Variants in PALLD observed in about 807,000 individuals in gnomAD.
PALLD encodes the protein palladin.
In PALLD, 61 loss-of-function variants were observed where a neutral mutation model predicts 123.5. The ratio of observed to expected loss-of-function variants is 0.49; its 90% CI spans 0.40 to 0.61. The LOEUF is 0.61. PALLD is among the 20% of genes least tolerant of loss of function. PALLD has a pLI of 0.00. For missense variants in PALLD, 1,273 were observed against 1,377.0 expected (o/e 0.92, Z 1.20); for synonymous variants, 465 against 496.4 (o/e 0.94, Z 0.84).
intron 2 of PALLD, among the ~76,000 whole-genome samples, chr4:168,614,928 T>C (rs1774077217): frequency 6.6e-6 from 1 of 152,186 alleles, no homozygotes; most frequent in Non-Finnish European, 1.5e-5. Flanking sequence ...AGCAGCAAGA[T>C]TGCCAATAGG....
At chr4:168,633,504 G>T (rs1000455697) in intron 2 of PALLD, among the ~76,000 whole-genome samples, 2 of 152,106 alleles carry the variant, frequency 1.3e-5, no homozygotes, top group Admixed American at 6.5e-5. Flanking sequence ...ATTTTTCATT[G>T]TTCCTTTAGG....
At chr4:168,775,010 AT>A (rs553867373) in intron 10 of PALLD, among the ~76,000 whole-genome samples, 7 of 152,150 alleles carry the variant, frequency 4.6e-5, no homozygotes, top group African/African-American at 1.7e-4. Context: ...GCTAAAGAGT[AT>A]TTTTTGTACA....
Position 168,844,611 on chromosome 4 carries a change from GA to G in PALLD, c.1965-46310del, listed in dbSNP as rs1401293668. ...TCTGTGGTATTCTAATTTTATCTGA[GA>G]TTTATTAGAATATATGAGGTGGAAA... On this transcript the variant is annotated intron_variant, in intron 10 of 21. Coordinates refer to ENST00000505667, the MANE Select transcript of PALLD (RefSeq NM_001166108.2). The surrounding 1 kb of genome is among the most constrained non-coding windows in gnomAD (Gnocchi z 4.5). 1.3e-5 allele frequency: 2 copies of G among 152,148 alleles called. No individual in the cohort carries two copies. Among genetic ancestry groups the G allele is most frequent in the African/African-American group, 2.4e-5 (1 of 41,416 alleles). 9.4% of individuals were successfully genotyped at this position (152,148 alleles called of 1,614,324 possible).
At chr4:168,623,351 A>C (rs66497821) in intron 2 of PALLD, among the ~76,000 whole-genome samples, 44,794 of 152,142 alleles carry the variant, frequency 0.29, 7,615 homozygotes, top group South Asian at 0.49. Flanking sequence ...GATTCCTGAA[A>C]TAATACTTTA....
chr4:168,902,069 A>C (rs552631774), intron 14 of PALLD, among the ~76,000 whole-genome samples: 4 of 152,288 alleles, frequency 2.6e-5, no homozygotes, highest in African/African-American at 9.6e-5. Context: ...TAATTCATCC[A>C]TTTATTTAGT....
intron 2 of PALLD, among the ~76,000 whole-genome samples, chr4:168,628,392 C>T (rs1336849912): frequency 6.6e-6 from 1 of 152,212 alleles, no homozygotes; most frequent in Non-Finnish European, 1.5e-5. Flanking sequence ...AATACTTACA[C>T]TGGTTTAGCG....
chr4:168,925,391 A>G (rs992688961), intron 21 of PALLD, 113 bp downstream of exon 21: 1 of 813,640 alleles, frequency 1.2e-6, no homozygotes, highest in Non-Finnish European at 2.2e-6. Context: ...AACAGTAGGC[A>G]AAGGCATAAC....
chr4:168,689,432 CTTTTTTTTTTTTTTT>C lies in PALLD; in HGVS notation c.1336-1152_1336-1138del, dbSNP rs70961551. Among the ~76,000 whole-genome samples, 78 of 49,858 alleles carry C rather than the reference CTTTTTTTTTTTTTTT, an allele frequency of 1.6e-3. 1 individual carries two copies. Among genetic ancestry groups the C allele is most frequent in the Admixed American group, 5.9e-3 (17 of 2,868 alleles). The allele number at this position is 49,858 out of a possible 152,430, so 32.7% of individuals were successfully genotyped here. A position where few individuals can be genotyped will look rare whatever the true frequency, so the allele number is the denominator to read the frequency against. On this transcript the variant is annotated intron_variant, in intron 6 of 21. Coordinates refer to ENST00000505667, the MANE Select transcript of PALLD (RefSeq NM_001166108.2). ...TACACCTTACATTCGATCCAATATT[CTTTTTTTTTTTTTTT>C]TTTTTTTTTTTTTTTTTTGAGATGG... is the stretch of plus-strand genomic sequence containing the variant.
rs377515400 is a variant in PALLD, at chr4:168,618,138, A to G, written c.909-50052A>G. Among the ~76,000 whole-genome samples the G allele has an allele frequency of 1.2e-4, 19 of 152,326 alleles. 1 individual carries two copies. The highest frequency in any genetic ancestry group is 4.6e-4 in the African/African-American group (19 of 41,570). ...GCTTCCAGTCCTACCACCTCTGATTAGTTTATTGGCTGGATGATCTCAACC... is the reference window on the plus strand; with the variant it reads ...GCTTCCAGTCCTACCACCTCTGATTGGTTTATTGGCTGGATGATCTCAACC... On this transcript the variant is annotated intron_variant, in intron 2 of 21. Transcript: ENST00000505667.
chr4:168,805,774 A>G (rs1489572183), intron 10 of PALLD, among the ~76,000 whole-genome samples: 1 of 152,220 alleles, frequency 6.6e-6, no homozygotes, highest in Admixed American at 6.5e-5. Flanking sequence ...ATTAGAGGTC[A>G]TAGATTTCCC....
chr4:168,529,267 G>A (rs548837804), intron 2 of PALLD, among the ~76,000 whole-genome samples: 3 of 152,146 alleles, frequency 2.0e-5, no homozygotes, highest in South Asian at 4.2e-4. Flanking sequence ...AAACCAGGAG[G>A]TGGAGGTTGC....
chr4:168,916,177 C>A (rs1267293365), intron 17 of PALLD, 150 bp downstream of exon 17: 14 of 793,686 alleles, frequency 1.8e-5, no homozygotes, highest in Non-Finnish European at 2.8e-5. Context: ...CTTTAGAGTC[C>A]AAAGCCGGGC....
At chr4:168,809,478 G>A (rs1227541006) in intron 10 of PALLD, among the ~76,000 whole-genome samples, 1 of 152,094 alleles carries the variant, frequency 6.6e-6, no homozygotes, top group East Asian at 1.9e-4. Flanking sequence ...GAAACATAAG[G>A]CCATAAGAAA....
intron 10 of PALLD, among the ~76,000 whole-genome samples, chr4:168,736,899 G>A (rs1787813220): frequency 6.6e-6 from 1 of 152,124 alleles, no homozygotes; most frequent in African/African-American, 2.4e-5. Flanking sequence ...GAGGGGGAGG[G>A]GAGTGGTTAT....
Position 168,510,136 on chromosome 4 carries a change from G to A in PALLD, c.-82-1287G>A, listed in dbSNP as rs1306843761. ...ACTCAGTCTTGTGGCAGACATCACCGCTGATGTTTTCTAGATCGTCCCTCT... is the reference window on the plus strand; with the variant it reads ...ACTCAGTCTTGTGGCAGACATCACCACTGATGTTTTCTAGATCGTCCCTCT... On this transcript the variant is annotated intron_variant, in intron 1 of 21. Coordinates refer to ENST00000505667, the MANE Select transcript of PALLD (RefSeq NM_001166108.2). Among the ~76,000 whole-genome samples the A allele has an allele frequency of 3.3e-5, 5 of 152,236 alleles. 1 individual carries two copies. The highest frequency in any genetic ancestry group is 1.2e-4 in the African/African-American group (5 of 41,550).
chr4:168,915,970 G>A lies in PALLD; in HGVS notation c.2793G>A (p.Leu931=). ...IQERFFRPHF[L]QAPGDLTVQE... ...AGCGATTCTTCAGACCTCACTTCTTGCAGGCTCCTGGAGATCTGACTGTTC... is the reference window on the plus strand; with the variant it reads ...AGCGATTCTTCAGACCTCACTTCTTACAGGCTCCTGGAGATCTGACTGTTC... Residue 931 remains leucine (L), a synonymous_variant, in exon 17 of 22, where the codon TTG becomes TTA. Coordinates refer to ENST00000505667, the MANE Select transcript of PALLD (RefSeq NM_001166108.2). 6.2e-7 allele frequency: 1 copy of A among 1,613,592 alleles called. No homozygotes were observed. The highest frequency in any genetic ancestry group is 1.1e-5 in the South Asian group (1 of 91,078).
intron 2 of PALLD, among the ~76,000 whole-genome samples, chr4:168,559,285 G>A (rs111730283): frequency 3.9e-5 from 6 of 152,228 alleles, no homozygotes; most frequent in East Asian, 1.9e-4. Flanking sequence ...GCCAGCCAAC[G>A]CCACAGCAAG....
intron 9 of PALLD, 120 bp downstream of exon 9, chr4:168,709,267 T>C: frequency 9.7e-7 from 1 of 1,033,614 alleles, no homozygotes; most frequent in Non-Finnish European, 1.5e-6. Context: ...CCCAGCACTT[T>C]GGGAGGCCGA....
At chr4:168,816,117 GT>G (rs562723121) in intron 10 of PALLD, among the ~76,000 whole-genome samples, 1 of 152,130 alleles carries the variant, frequency 6.6e-6, no homozygotes, top group Non-Finnish European at 1.5e-5. Context: ...TTTCTCAGTT[GT>G]TTATATGTAA....
Sources: gnomAD v4.1 joint callset for allele counts (sites outside exome capture counted in the v4.1 genomes callset) on GRCh38, gnomAD v4.1.1 for gene constraint, Gnocchi (gnomAD v3.1) non-coding constraint, MANE v1.5 for transcripts, NCBI Gene and HGNC (gene_info 2026-07-23, HGNC 2026-07-21) for gene names.